The following CAAP1 variants were observed in gnomAD, a reference collection of about 807,000 sequenced individuals.
The protein encoded by CAAP1 is conserved anti-apoptotic protein.
In CAAP1, 20 loss-of-function variants were observed where a neutral mutation model predicts 34.0. The observed-to-expected ratio is 0.59, with a 90% CI of 0.41 to 0.86. The LOEUF (loss-of-function observed/expected upper bound fraction) is 0.86. Ranked by LOEUF, CAAP1 falls within the 40% of genes least tolerant of loss-of-function variation. The pLI is 0.00. For missense variants in CAAP1, 538 were observed against 450.5 expected (o/e 1.19, Z -1.76); for synonymous variants, 213 against 166.7 (o/e 1.28, Z -2.14).
rs957813730 is a variant in CAAP1, at chr9:26,841,542, C to A, written c.*759G>T. 6.6e-6 allele frequency: 1 copy of A among 152,496 alleles called. No individual in the cohort carries two copies. Among genetic ancestry groups the A allele is most frequent in the Non-Finnish European group, 1.5e-5 (1 of 67,978 alleles). The allele number at this position is 152,496 out of a possible 1,614,324, so 9.4% of individuals were successfully genotyped here. On this transcript the variant is annotated 3_prime_UTR_variant, in exon 6 of 6. Transcript: ENST00000333916. ...TATAGCACATCAGATCTTTAAGCAA[C>A]TACATCAGATAAAATCCTAGATAAT... is the stretch of plus-strand genomic sequence containing the variant.
At chr9:26,884,778 T>A in intron 4 of CAAP1, 32 bp downstream of exon 4, 3 of 1,456,498 alleles carry the variant, frequency 2.1e-6, no homozygotes, top group Non-Finnish European at 2.9e-6. Flanking sequence ...ACAAAGAAAT[T>A]TTGAAATAAA....
chr9:26,887,016 C>G (rs1823761252), intron 2 of CAAP1, among the ~76,000 whole-genome samples: 1 of 152,132 alleles, frequency 6.6e-6, no homozygotes, highest in East Asian at 1.9e-4. Context: ...GAGTTCGAGA[C>G]CAGCCTGGCC....
intron 5 of CAAP1, among the ~76,000 whole-genome samples, 158 bp downstream of exon 5, chr9:26,860,908 G>C (rs1822989149): frequency 6.6e-6 from 1 of 152,164 alleles, no homozygotes; most frequent in Non-Finnish European, 1.5e-5. Flanking sequence ...CATTTCAGTA[G>C]CTAAAAGAAT....
At chr9:26,887,729 G>C (rs1412252052) in intron 1 of CAAP1, among the ~76,000 whole-genome samples, 1 of 152,022 alleles carries the variant, frequency 6.6e-6, no homozygotes, top group African/African-American at 2.4e-5. Context: ...GTAGCTATAA[G>C]GGAAGAGATA....
chr9:26,846,906 CG>C (rs1822624639), intron 5 of CAAP1, among the ~76,000 whole-genome samples: 1 of 151,950 alleles, frequency 6.6e-6, no homozygotes, highest in South Asian at 2.1e-4. Flanking sequence ...AGGCTGGCCT[CG>C]AACTCCCAAC....
intron 4 of CAAP1, among the ~76,000 whole-genome samples, chr9:26,876,572 C>A (rs1001909874): frequency 1.2e-4 from 17 of 147,630 alleles, no homozygotes; most frequent in East Asian, 4.3e-4. Flanking sequence ...ATTTATTGTA[C>A]CTTTTCTATG....
chr9:26,849,119 A>G (rs1023900021), intron 5 of CAAP1, among the ~76,000 whole-genome samples: 5 of 152,230 alleles, frequency 3.3e-5, no homozygotes, highest in Non-Finnish European at 7.3e-5. Context: ...GAAAGTATAC[A>G]GGCTAGACGA....
intron 4 of CAAP1, among the ~76,000 whole-genome samples, chr9:26,879,811 C>T (rs1823540014): frequency 6.6e-6 from 1 of 152,146 alleles, no homozygotes. Context: ...GGGCTCTCGG[C>T]CTTTGGCCCC....
chr9:26,862,152 G>A (rs767070593), intron 4 of CAAP1, among the ~76,000 whole-genome samples: 3 of 152,032 alleles, frequency 2.0e-5, no homozygotes, highest in Non-Finnish European at 2.9e-5. Context: ...GATTTTATTC[G>A]TTCACCAGAA....
chr9:26,843,955 G>A (rs1162849657), intron 5 of CAAP1, among the ~76,000 whole-genome samples: 2 of 151,944 alleles, frequency 1.3e-5, no homozygotes, highest in South Asian at 2.1e-4. Context: ...ATATATGTCC[G>A]CAAAGCAACA....
At chr9:26,887,901 G>T (rs1823790689) in intron 1 of CAAP1, among the ~76,000 whole-genome samples, 1 of 152,188 alleles carries the variant, frequency 6.6e-6, no homozygotes, top group South Asian at 2.1e-4. Context: ...AAGTAAAGAT[G>T]TTACAAATCA....
At chr9:26,863,989 G>A (rs1462751393) in intron 4 of CAAP1, among the ~76,000 whole-genome samples, 2 of 151,924 alleles carry the variant, frequency 1.3e-5, no homozygotes, top group Non-Finnish European at 2.9e-5. Flanking sequence ...ATTTTGCCCT[G>A]TTGCCCAAGT....
chr9:26,859,582 T>C (rs898410150), intron 5 of CAAP1, among the ~76,000 whole-genome samples: 2 of 152,208 alleles, frequency 1.3e-5, no homozygotes, highest in African/African-American at 2.4e-5. Flanking sequence ...AGTAGCAGTG[T>C]AGTCTAATTA....
chr9:26,854,502 G>C (rs1157407455), intron 5 of CAAP1, among the ~76,000 whole-genome samples: 4 of 148,940 alleles, frequency 2.7e-5, no homozygotes, highest in African/African-American at 1.0e-4. Context: ...TCTTCTTCTT[G>C]TGGGTCCCTT....
intron 4 of CAAP1, among the ~76,000 whole-genome samples, chr9:26,878,979 C>T (rs186464554): frequency 1.1e-4 from 17 of 152,306 alleles, no homozygotes; most frequent in Admixed American, 1.0e-3. Context: ...GAAACAGATA[C>T]ACTACATGCT....
At chr9:26,883,665 T>C (rs1425762998) in intron 4 of CAAP1, among the ~76,000 whole-genome samples, 2 of 152,174 alleles carry the variant, frequency 1.3e-5, no homozygotes, top group Non-Finnish European at 2.9e-5. Flanking sequence ...CAATTCAGGA[T>C]TCTCTGTAAG....
intron 5 of CAAP1, among the ~76,000 whole-genome samples, chr9:26,851,411 C>T (rs112681515): frequency 0.043 from 6,532 of 152,028 alleles, 486 homozygotes; most frequent in African/African-American, 0.15. Flanking sequence ...GTGAGCCTGA[C>T]AGAATAAAAT....
intron 4 of CAAP1, among the ~76,000 whole-genome samples, chr9:26,863,774 A>T (rs1029090611): frequency 0.061 from 1,378 of 22,526 alleles, 14 homozygotes; most frequent in African/African-American, 0.19. Context: ...GTTTAAATTA[A>T]AAAAAAAAAA....
rs1823933647 is a variant in CAAP1, at chr9:26,892,512, C to T, written c.204G>A (p.Gly68=). ...ANFSGSVTGG[G]SGGSCWGGSS... ...TCCCGCCCCAACAGCTGCCGCCGCT[C>T]CCACCGCCGGTGACACTTCCACTAA... Residue 68 remains glycine, a synonymous_variant, in exon 1 of 6, where the codon GGG becomes GGA. Transcript: ENST00000333916. The T allele has an allele frequency of 6.4e-7, 1 of 1,570,166 alleles. No individual in the cohort carries two copies. The highest frequency in any genetic ancestry group is 8.6e-7 in the Non-Finnish European group (1 of 1,157,576).
Sources: allele counts gnomAD v4.1 joint callset (sites outside exome capture counted in the v4.1 genomes callset), GRCh38; gene constraint gnomAD v4.1.1; transcripts MANE v1.5; gene names NCBI Gene and HGNC (gene_info 2026-07-23, HGNC 2026-07-21).